The following ZNF804B variants were observed in gnomAD, a reference collection of about 807,000 sequenced individuals.
The protein encoded by ZNF804B is zinc finger 804B.
In ZNF804B, 80 loss-of-function variants were observed where a neutral mutation model predicts 101.4. The ratio of observed to expected loss-of-function variants is 0.79; its 90% CI spans 0.66 to 0.95. ZNF804B has a LOEUF of 0.95. Among genes scored for constraint, ZNF804B ranks in the 40% least tolerant of loss-of-function variants. ZNF804B has a pLI of 0.00. For missense variants in ZNF804B, 1,673 were observed against 1,561.9 expected, an observed-to-expected ratio of 1.07 and a Z score of -1.20; for synonymous variants, 622 against 558.8, an observed-to-expected ratio of 1.11 and a Z score of -1.59.
At chr7:88,958,884 T>G (rs1219652858) in intron 1 of ZNF804B, among the ~76,000 whole-genome samples, 1 of 151,466 alleles carries the variant, frequency 6.6e-6, no homozygotes, top group Non-Finnish European at 1.5e-5. Context: ...GGTGGACATA[T>G]TATTTCTTTC....
chr7:89,266,193 A>G (rs186979478), intron 2 of ZNF804B, among the ~76,000 whole-genome samples: 96 of 152,268 alleles, frequency 6.3e-4, no homozygotes, highest in Admixed American at 4.4e-3. Flanking sequence ...ACAAGCCACC[A>G]GAACAGCTGC....
At chr7:88,878,931 C>A in intron 1 of ZNF804B, among the ~76,000 whole-genome samples, 1 of 152,060 alleles carries the variant, frequency 6.6e-6, no homozygotes, top group East Asian at 1.9e-4. Flanking sequence ...GCCCAAATAC[C>A]TTATGCTTCC....
At chr7:88,972,936 A>G (rs1220985358) in intron 1 of ZNF804B, among the ~76,000 whole-genome samples, 2 of 151,452 alleles carry the variant, frequency 1.3e-5, no homozygotes, top group Non-Finnish European at 3.0e-5. Context: ...AGGCCTTAGT[A>G]TGGGATTCTG....
intron 1 of ZNF804B, among the ~76,000 whole-genome samples, chr7:89,097,477 A>C (rs1287992308): frequency 6.6e-6 from 1 of 152,238 alleles, no homozygotes; most frequent in Non-Finnish European, 1.5e-5. Context: ...GCACCAAATC[A>C]TTTTAAATGA....
intron 1 of ZNF804B, among the ~76,000 whole-genome samples, chr7:88,850,483 C>T (rs770536370): frequency 2.0e-5 from 3 of 152,026 alleles, no homozygotes; most frequent in Non-Finnish European, 2.9e-5. Context: ...GGAAAAAACA[C>T]CCAAAAGGAT....
chr7:89,145,192 T>C (rs1056259022), intron 1 of ZNF804B, among the ~76,000 whole-genome samples: 1 of 151,946 alleles, frequency 6.6e-6, no homozygotes, highest in African/African-American at 2.4e-5. Flanking sequence ...GACAATATAA[T>C]TTTAATAAAT....
chr7:89,230,580 A>G (rs994400919), intron 2 of ZNF804B, among the ~76,000 whole-genome samples: 5 of 152,146 alleles, frequency 3.3e-5, no homozygotes, highest in Non-Finnish European at 5.9e-5. Context: ...GAATAGATCA[A>G]TAGATCAACA....
rs115365511 is a variant in ZNF804B at position 88,772,248 on chromosome 7, A to T, written c.108+12164A>T. Among the ~76,000 whole-genome samples the T allele has an allele frequency of 5.4e-3, 820 of 152,312 alleles. 16 individuals are homozygous for T. Among genetic ancestry groups the T allele is most frequent in the African/African-American group, 0.018 (750 of 41,576 alleles). On this transcript the variant is annotated intron_variant, in intron 1 of 3. Transcript: ENST00000333190. ...ACCACTGATGATTTGCTTTCCTGTC[A>T]TCATTGAAAGAAGATTTGTGAAATT...
At chr7:89,144,811 A>G (rs1215817822) in intron 1 of ZNF804B, among the ~76,000 whole-genome samples, 1 of 152,064 alleles carries the variant, frequency 6.6e-6, no homozygotes, top group Non-Finnish European at 1.5e-5. Flanking sequence ...ATGAATATAT[A>G]CAATTATTAT....
intron 1 of ZNF804B, among the ~76,000 whole-genome samples, chr7:88,865,760 C>T (rs889179917): frequency 6.6e-6 from 1 of 152,076 alleles, no homozygotes; most frequent in African/African-American, 2.4e-5. Flanking sequence ...TCTCTTTGGT[C>T]TTGCTGTCAT....
chr7:89,008,431 C>T (rs1390250412), intron 1 of ZNF804B, among the ~76,000 whole-genome samples: 1 of 152,144 alleles, frequency 6.6e-6, no homozygotes, highest in South Asian at 2.1e-4. Context: ...TACATCTGCC[C>T]ATGCTACTAA....
chr7:88,867,089 TG>T (rs1294987212), intron 1 of ZNF804B, among the ~76,000 whole-genome samples: 1 of 152,142 alleles, frequency 6.6e-6, no homozygotes, highest in Non-Finnish European at 1.5e-5. Context: ...AAATAATAGC[TG>T]GTGGGGAAGA....
chr7:89,309,229 A>G (rs38937), intron 2 of ZNF804B, among the ~76,000 whole-genome samples: 52,686 of 151,854 alleles, frequency 0.35, 9,601 homozygotes, highest in Non-Finnish European at 0.4. Context: ...TTATAAGTGA[A>G]AACAGAACAT....
Position 89,334,548 on chromosome 7 carries a change from C to T in ZNF804B, c.1566C>T (p.Asp522=). 1 of 1,613,488 alleles carries T rather than the reference C, an allele frequency of 6.2e-7. No individual in the cohort carries two copies. The highest frequency in any genetic ancestry group is 8.5e-7 in the Non-Finnish European group (1 of 1,179,780). Residue 522 remains aspartate (D), a synonymous_variant, in exon 4 of 4, where the codon GAC becomes GAT. Coordinates refer to ENST00000333190, the MANE Select transcript of ZNF804B (RefSeq NM_181646.5). ...GCCAAGTCTCAGGTTTAACTGAAGA[C>T]CAACAAAAATTGATCCAAGAAGATT... is the stretch of plus-strand genomic sequence containing the variant. The part of the protein sequence containing the change: ...RESQVSGLTE[D]QQKLIQEDYQ...
At chr7:88,951,501 T>G (rs956621612) in intron 1 of ZNF804B, among the ~76,000 whole-genome samples, 1 of 151,608 alleles carries the variant, frequency 6.6e-6, no homozygotes, top group African/African-American at 2.4e-5. Context: ...CTATTATTTC[T>G]GTAATTGATT....
chr7:88,914,595 A>G (rs535025088), intron 1 of ZNF804B, among the ~76,000 whole-genome samples: 2 of 152,258 alleles, frequency 1.3e-5, no homozygotes, highest in South Asian at 4.1e-4. Context: ...ATGGCCAGAA[A>G]ATGTTCAATT....
At chr7:88,820,873 G>A (rs982229209) in intron 1 of ZNF804B, among the ~76,000 whole-genome samples, 2 of 152,118 alleles carry the variant, frequency 1.3e-5, no homozygotes, top group Admixed American at 1.3e-4. Context: ...CCTCAGCATT[G>A]AAGAGAGAAG....
chr7:89,222,795 T>TA (rs547562261), intron 2 of ZNF804B, among the ~76,000 whole-genome samples: 112 of 152,092 alleles, frequency 7.4e-4, no homozygotes, highest in African/African-American at 2.6e-3. Flanking sequence ...CACAGAATTT[T>TA]AAAAATACCT....
intron 1 of ZNF804B, among the ~76,000 whole-genome samples, chr7:88,914,306 G>A (rs1021520652): frequency 6.6e-6 from 1 of 152,066 alleles, no homozygotes; most frequent in African/African-American, 2.4e-5. Flanking sequence ...ACTTTTTTAA[G>A]TTGCCGATAG....
Sources: gnomAD v4.1 joint callset for allele counts (sites outside exome capture counted in the v4.1 genomes callset) on GRCh38, gnomAD v4.1.1 for gene constraint, MANE v1.5 for transcripts, NCBI Gene and HGNC (gene_info 2026-07-23, HGNC 2026-07-21) for gene names.